Variants in NRXN1 observed in about 807,000 individuals in gnomAD.
NRXN1 encodes the protein neurexin-1.
A neutral mutation model predicts 150.9 loss-of-function variants in NRXN1; 39 were observed. The ratio of observed to expected loss-of-function variants is 0.26; its 90% confidence interval spans 0.20 to 0.34. The LOEUF is 0.34. NRXN1 is among the 10% of genes least tolerant of loss of function. The probability of loss-of-function intolerance (pLI) is 1.00; values close to 1 mark genes in which losing one functional copy is unlikely to be tolerated. For synonymous variants in NRXN1, 924 were observed against 757.0 expected, an observed-to-expected ratio of 1.22 and a Z score of -3.62; for missense variants, 1,815 against 1,949.9, an observed-to-expected ratio of 0.93 and a Z score of 1.30.
chr2:50,341,065 A>T (rs1575147820), intron 17 of NRXN1, among the ~76,000 whole-genome samples: 1 of 152,296 alleles, frequency 6.6e-6, no homozygotes, highest in Middle Eastern at 3.4e-3. Flanking sequence ...TTTCCCTTCT[A>T]TTGGAGTACA....
At chr2:50,223,736 C>G (rs1490706863) in intron 18 of NRXN1, among the ~76,000 whole-genome samples, 2 of 151,942 alleles carry the variant, frequency 1.3e-5, no homozygotes, top group East Asian at 1.9e-4. Context: ...TTCCCTTTCT[C>G]TGACCTCATT....
chr2:50,741,260 C>A (rs769430673), intron 5 of NRXN1, among the ~76,000 whole-genome samples: 3 of 150,204 alleles, frequency 2.0e-5, no homozygotes, highest in Non-Finnish European at 3.0e-5. Context: ...TTGGTTGGAT[C>A]TATTAATAAA....
intron 2 of NRXN1, among the ~76,000 whole-genome samples, chr2:50,976,416 G>A (rs900642009): frequency 5.9e-4 from 90 of 151,746 alleles, no homozygotes; most frequent in African/African-American, 1.9e-3. Flanking sequence ...TTTAATTGCT[G>A]TGTCATGCAC....
chr2:49,939,191 A>G (rs944341230), intron 22 of NRXN1, among the ~76,000 whole-genome samples: 3 of 152,222 alleles, frequency 2.0e-5, no homozygotes, highest in Non-Finnish European at 4.4e-5. Context: ...AGCAATAACT[A>G]TGCTGGAGCA....
intron 18 of NRXN1, among the ~76,000 whole-genome samples, chr2:50,096,457 A>C (rs1700236130): frequency 1.3e-5 from 2 of 152,190 alleles, no homozygotes; most frequent in African/African-American, 4.8e-5. Flanking sequence ...AAAAGAATTC[A>C]TTTCAAACTC....
At chr2:50,063,547 G>GACACACACACACACACAC (rs3046664) in intron 19 of NRXN1, among the ~76,000 whole-genome samples, 39 of 137,598 alleles carry the variant, frequency 2.8e-4, no homozygotes, top group African/African-American at 1.0e-3. Flanking sequence ...CACCTCAACA[G>GACACACACACACACACAC]ACACACACAC....
intron 6 of NRXN1, 51 bp from the exon 7 acceptor site, chr2:50,621,300 C>T (rs1458291041): frequency 3.6e-6 from 5 of 1,392,552 alleles, no homozygotes; most frequent in Non-Finnish European, 5.0e-6. Context: ...AACAGAATAA[C>T]GATCGTTACT....
chr2:50,496,500 T>C (rs957834171), intron 14 of NRXN1, among the ~76,000 whole-genome samples: 14 of 152,192 alleles, frequency 9.2e-5, no homozygotes, highest in African/African-American at 3.4e-4. Context: ...AGGGAACGTG[T>C]ACTCATCCTT....
At chr2:50,691,250 C>T (rs1692029603) in intron 5 of NRXN1, among the ~76,000 whole-genome samples, 1 of 152,026 alleles carries the variant, frequency 6.6e-6, no homozygotes, top group African/African-American at 2.4e-5. Context: ...AGGTATCTGA[C>T]ATGGGGAAAG....
At chr2:50,430,741 T>TCAA (rs2084902982) in intron 17 of NRXN1, among the ~76,000 whole-genome samples, 1 of 152,228 alleles carries the variant, frequency 6.6e-6, no homozygotes, top group Non-Finnish European at 1.5e-5. Flanking sequence ...TGAGAACATT[T>TCAA]CAACATCTGT....
chr2:50,546,707 A>G (rs1290914621), intron 9 of NRXN1, among the ~76,000 whole-genome samples: 2 of 152,210 alleles, frequency 1.3e-5, no homozygotes, highest in African/African-American at 4.8e-5. Flanking sequence ...AAAACTTAAC[A>G]TTACAATTTT....
chr2:50,079,279 T>C (rs916507129), intron 19 of NRXN1, among the ~76,000 whole-genome samples: 24 of 152,070 alleles, frequency 1.6e-4, no homozygotes, highest in African/African-American at 5.3e-4. Flanking sequence ...CAGGGGTCAA[T>C]AAAGTATGCC....
intron 8 of NRXN1, among the ~76,000 whole-genome samples, chr2:50,605,358 T>C (rs771874627): frequency 6.6e-6 from 1 of 152,118 alleles, no homozygotes; most frequent in Non-Finnish European, 1.5e-5. Flanking sequence ...TAAGATACTG[T>C]TGGCACTCAG....
chr2:50,738,048 A>C (rs929931086), intron 5 of NRXN1, among the ~76,000 whole-genome samples: 2 of 152,222 alleles, frequency 1.3e-5, no homozygotes, highest in African/African-American at 4.8e-5. Flanking sequence ...AGGCTGGGTG[A>C]ACCCTGTCTG....
chr2:50,393,306 C>G (rs1378212197), intron 17 of NRXN1, among the ~76,000 whole-genome samples: 15 of 152,078 alleles, frequency 9.9e-5, no homozygotes, highest in Non-Finnish European at 5.9e-5. Context: ...ACTCAATCGC[C>G]TCTTTAGACA....
intron 19 of NRXN1, among the ~76,000 whole-genome samples, chr2:50,059,787 C>T (rs1339471208): frequency 6.6e-6 from 1 of 152,184 alleles, no homozygotes; most frequent in Non-Finnish European, 1.5e-5. Context: ...GTGCAAGCCC[C>T]AAACCTTGGT....
intron 19 of NRXN1, among the ~76,000 whole-genome samples, chr2:50,085,584 A>C (rs1698664773): frequency 6.6e-6 from 1 of 152,132 alleles, no homozygotes; most frequent in Non-Finnish European, 1.5e-5. Context: ...TTCTCTAGTA[A>C]AGTTAGAAAA....
intron 18 of NRXN1, among the ~76,000 whole-genome samples, chr2:50,167,183 A>G (rs183323659): frequency 6.6e-6 from 1 of 152,266 alleles, no homozygotes; most frequent in East Asian, 1.9e-4. Flanking sequence ...ACTAAAAGAA[A>G]ACTACAGAGA....
intron 17 of NRXN1, among the ~76,000 whole-genome samples, chr2:50,268,795 A>G (rs2069201501): frequency 6.6e-6 from 1 of 152,202 alleles, no homozygotes; most frequent in Non-Finnish European, 1.5e-5. Flanking sequence ...TGTCATCCAG[A>G]TTCTTTATCT....
Sources: gnomAD v4.1 joint callset for allele counts (sites outside exome capture counted in the v4.1 genomes callset) on GRCh38, gnomAD v4.1.1 for gene constraint, MANE v1.5 for transcripts, NCBI Gene and HGNC (gene_info 2026-07-23, HGNC 2026-07-21) for gene names.